Variants in ZNF276 observed in about 807,000 individuals in gnomAD.
The protein encoded by ZNF276 is centromere protein Z.
Under a neutral mutation model 63.9 loss-of-function variants are expected in ZNF276, and 59 were observed. The ratio of observed to expected loss-of-function variants is 0.92; its 90% CI spans 0.75 to 1.15. ZNF276 has a LOEUF of 1.15. ZNF276 is among the 50% of genes most tolerant of loss of function. The pLI, the probability that ZNF276 is intolerant of heterozygous loss-of-function variation, is 0.00. For missense variants in ZNF276, 1,084 were observed against 843.8 expected (o/e 1.28, Z -3.53); for synonymous variants, 496 against 348.4 (o/e 1.42, Z -4.72).
chr16:89,735,924 TC>T (rs2061860027), intron 9 of ZNF276, among the ~76,000 whole-genome samples: 3 of 138,384 alleles, frequency 2.2e-5, no homozygotes, highest in African/African-American at 5.2e-5. Context: ...TGAGTCTTGC[TC>T]TTGTCGCCCA....
chr16:89,727,362 G>A lies in ZNF276; in HGVS notation c.1085+5G>A, dbSNP rs1398650298. The A allele has an allele frequency of 1.9e-6, 3 of 1,613,756 alleles. No homozygotes were observed. Among genetic ancestry groups the A allele is most frequent in the Middle Eastern group, 1.7e-4 (1 of 6,058 alleles). On this transcript the variant is annotated splice_donor_5th_base_variant and intron_variant, in intron 5 of 10. Transcript: ENST00000443381. ...GTTCAGTGACCTTTCTGAGGGGTGAGAGAAGAGTGGGTTTAAACAGCCTAA... is the reference window on the plus strand; with the variant it reads ...GTTCAGTGACCTTTCTGAGGGGTGAAAGAAGAGTGGGTTTAAACAGCCTAA...
At position 89,721,777 on chromosome 16, in the gene ZNF276, C is replaced by A. The variant is rs113051130; in HGVS notation, c.137C>A (p.Thr46Lys). ...LSGGPRVDGA[T>K]ARRAWGPVGS... ...GGTGGGCCGAGGGTGGACGGGGCGA[C>A]GGCGCGGCGCGCCTGGGGCCCGGTG... The change falls in exon 1 of 11, where the codon ACG (threonine) becomes AAG (lysine). Residue 46 changes from threonine (T) to lysine (K), a missense_variant. Thr to Lys is a moderately conservative substitution (Grantham distance 78, BLOSUM62 -1). Transcript: ENST00000443381. 2.4e-6 allele frequency: 3 copies of A among 1,262,442 alleles called. No individual in the cohort carries two copies. The African/African-American group carries it at 4.7e-5, about 20-fold the overall frequency. The allele number at this position is 1,262,442 out of a possible 1,614,324, so 78.2% of individuals were successfully genotyped here.
chr16:89,736,439 C>T (rs1160677104), intron 9 of ZNF276, among the ~76,000 whole-genome samples: 2 of 151,922 alleles, frequency 1.3e-5, no homozygotes, highest in Non-Finnish European at 2.9e-5. Flanking sequence ...ATTCTGCTGC[C>T]TCAGCCTCCC....
chr16:89,738,960 T>A lies in ZNF276; in HGVS notation c.*714T>A. ...GAAAAAGACGAGCTTTTGTTATCAG[T>A]TCCACGGGGTTGCCCTAGAGAGAAA... On this transcript the variant is annotated 3_prime_UTR_variant, in exon 11 of 11. Transcript: ENST00000443381. 1.9e-6 allele frequency: 3 copies of A among 1,614,232 alleles called. No homozygotes were observed. The highest frequency in any genetic ancestry group is 2.5e-6 in the Non-Finnish European group (3 of 1,180,046).
Position 89,740,881 on chromosome 16 carries a change from G to A in ZNF276, c.*2635G>A, listed in dbSNP as rs749085160. ...AAAACCAATAGCTGTAAATAAAAAC[G>A]TGCACTTATTATTACATTAAAATTA... On this transcript the variant is annotated 3_prime_UTR_variant, in exon 11 of 11. Coordinates refer to ENST00000443381, the MANE Select transcript of ZNF276 (RefSeq NM_001113525.2). 1.9e-5 allele frequency: 30 copies of A among 1,604,374 alleles called. No homozygotes were observed. The highest frequency in any genetic ancestry group is 2.2e-5 in the Non-Finnish European group (26 of 1,173,352).
At position 89,721,731 on chromosome 16, in the gene ZNF276, CG is replaced by C; in HGVS notation, c.95del (p.Gly32AlafsTer157). On this transcript the variant is annotated frameshift_variant, in exon 1 of 11. Transcript: ENST00000443381. LOFTEE classifies it high-confidence loss of function. ...SDGGGGVSRT[R>X]GRPSLSGGPR... ...CGGCGGCGGCGGCGTCAGCCGGACT[CG>C]GGGCCGCCCTTCCCTTAGCGGTGGG... The C allele has an allele frequency of 7.4e-7, 1 of 1,346,902 alleles. No homozygotes were observed. Among genetic ancestry groups the C allele is most frequent in the African/African-American group, 1.5e-5 (1 of 65,504 alleles). The allele number at this position is 1,346,902 out of a possible 1,614,324, so 83.4% of individuals were successfully genotyped here.
intron 9 of ZNF276, 44 bp downstream of exon 9, chr16:89,734,082 G>T (rs765852800): frequency 6.3e-7 from 1 of 1,576,370 alleles, no homozygotes; most frequent in Admixed American, 1.7e-5. Context: ...ACAGCCAGGG[G>T]CACGTGACCT....
In ZNF276 at chr16:89,721,843, C is replaced by T. The variant is rs2151654960; in HGVS notation, c.203C>T (p.Ala68Val). The T allele has an allele frequency of 8.3e-7, 1 of 1,210,638 alleles. No individual in the cohort carries two copies. The highest frequency in any genetic ancestry group is 1.0e-6 in the Non-Finnish European group (1 of 974,594). 75.0% of individuals were successfully genotyped at this position (1,210,638 alleles called of 1,614,324 possible). A position where few individuals can be genotyped will look rare whatever the true frequency, so the allele number is the denominator to read the frequency against. ...GDAGEDGADE[A>V]GAGRALAMGH... ...GCGGGCGAGGACGGCGCGGACGAGGCAGGTGGGTCCGCGGCCCGGGCGTGG... is the reference window on the plus strand; with the variant it reads ...GCGGGCGAGGACGGCGCGGACGAGGTAGGTGGGTCCGCGGCCCGGGCGTGG... The change falls in exon 1 of 11, where the codon GCA becomes GTA. Residue 68 changes from alanine to valine, a missense_variant and splice_region_variant. Physicochemically the swap from Ala to Val is moderately conservative, Grantham distance 64. Coordinates refer to ENST00000443381, the MANE Select transcript of ZNF276 (RefSeq NM_001113525.2).
rs1293481487 is a variant in ZNF276 at position 89,738,566 on chromosome 16, A to G, written c.*320A>G. ...GTTATGCTTGTAATAAATTATTTAC[A>G]CGGGAGCTGGGCTGGTGTGCAGTGG... On this transcript the variant is annotated 3_prime_UTR_variant, in exon 11 of 11. Coordinates refer to ENST00000443381, the MANE Select transcript of ZNF276 (RefSeq NM_001113525.2). The G allele has an allele frequency of 1.2e-6, 2 of 1,612,752 alleles. No homozygotes were observed. Among genetic ancestry groups the G allele is most frequent in the Non-Finnish European group, 1.7e-6 (2 of 1,179,990 alleles).
At position 89,738,340 on chromosome 16, in the gene ZNF276, A is replaced by G; in HGVS notation, c.*94A>G. ...GTGTGCACCCGCATGGGAGGGTCGG[A>G]GGGTGCTGCCCGCCCTTGGTGCTGG... On this transcript the variant is annotated 3_prime_UTR_variant, in exon 11 of 11. Transcript: ENST00000443381. The G allele has an allele frequency of 4.7e-6, 7 of 1,494,190 alleles. No homozygotes were observed. Among genetic ancestry groups the G allele is most frequent in the Non-Finnish European group, 6.2e-6 (7 of 1,120,950 alleles). 92.6% of individuals were successfully genotyped at this position (1,494,190 alleles called of 1,614,324 possible).
intron 4 of ZNF276, among the ~76,000 whole-genome samples, chr16:89,726,261 A>G (rs553617337): frequency 1.3e-5 from 2 of 151,598 alleles, no homozygotes; most frequent in Admixed American, 1.3e-4. Flanking sequence ...CAGTGGCACG[A>G]TATCAGCTCA....
intron 9 of ZNF276, among the ~76,000 whole-genome samples, chr16:89,734,820 T>A (rs907586405): frequency 1.3e-5 from 2 of 152,196 alleles, no homozygotes; most frequent in African/African-American, 4.8e-5. Flanking sequence ...ACAATTTCTA[T>A]AATGCACAAG....
Position 89,740,915 on chromosome 16 carries a change from G to T in ZNF276, c.*2669G>T. 1 of 1,505,470 alleles carries T rather than the reference G, an allele frequency of 6.6e-7. No homozygotes were observed. 93.3% of individuals were successfully genotyped at this position (1,505,470 alleles called of 1,614,324 possible). A position where few individuals can be genotyped will look rare whatever the true frequency, so the allele number is the denominator to read the frequency against. On this transcript the variant is annotated 3_prime_UTR_variant, in exon 11 of 11. Transcript: ENST00000443381. ...TTATTACATTAAAATTACCTGTGCT[G>T]TCATTCTAAATAAGGCTGACACATT... is the stretch of plus-strand genomic sequence containing the variant.
chr16:89,733,755 C>CT (rs1555530765), intron 8 of ZNF276, among the ~76,000 whole-genome samples, 166 bp from the exon 9 acceptor site: 1 of 151,932 alleles, frequency 6.6e-6, no homozygotes, highest in Non-Finnish European at 1.5e-5. Flanking sequence ...AGACACCCCC[C>CT]GGGGGGTCTA....
chr16:89,721,122 CCCCTCACGGAGT>C, upstream of ZNF276: 1 of 302,462 alleles, frequency 3.3e-6, no homozygotes, highest in Non-Finnish European at 6.0e-6. Flanking sequence ...GCGAGAAGGG[CCCCTCACGGAGT>C]TGCCATGGGC....
At chr16:89,725,950 A>G (rs1043514617) in intron 4 of ZNF276, among the ~76,000 whole-genome samples, 4 of 152,142 alleles carry the variant, frequency 2.6e-5, no homozygotes, top group Non-Finnish European at 4.4e-5. Flanking sequence ...CCTGGCCGAG[A>G]GAACAGTAAT....
chr16:89,738,207 G>A lies in ZNF276; in HGVS notation c.1806G>A (p.Val602=). 1 of 1,610,836 alleles carries A rather than the reference G, an allele frequency of 6.2e-7. No individual in the cohort carries two copies. Among genetic ancestry groups the A allele is most frequent in the Admixed American group, 1.7e-5 (1 of 59,592 alleles). The change falls in exon 11 of 11, where the codon GTG becomes GTA. Residue 602 remains valine (V), a synonymous_variant. Coordinates refer to ENST00000443381, the MANE Select transcript of ZNF276 (RefSeq NM_001113525.2). ...EPPPGPPSPS[V]TTEGQAVKPE... Reference sequence around the variant, plus strand: ...CACCTGGGCCACCGAGCCCCTCTGTGACCACAGAGGGCCAGGCGGTGAAGC... The same window carrying A: ...CACCTGGGCCACCGAGCCCCTCTGTAACCACAGAGGGCCAGGCGGTGAAGC...
chr16:89,736,356 TC>T (rs200585672), intron 9 of ZNF276, among the ~76,000 whole-genome samples: 3,955 of 141,572 alleles, frequency 0.028, 196 homozygotes, highest in African/African-American at 0.098. Flanking sequence ...TCCGGGACAG[TC>T]TGTGTCGCCC....
At chr16:89,722,915 C>A (rs1415058388) in intron 2 of ZNF276, 81 bp downstream of exon 2, 3 of 1,558,746 alleles carry the variant, frequency 1.9e-6, no homozygotes, top group Non-Finnish European at 2.6e-6. Flanking sequence ...CAGGGCGTGC[C>A]TCCGCGGGAG....
Sources: gnomAD v4.1 joint callset for allele counts (sites outside exome capture counted in the v4.1 genomes callset) on GRCh38, gnomAD v4.1.1 for gene constraint, MANE v1.5 for transcripts, NCBI Gene and HGNC (gene_info 2026-07-23, HGNC 2026-07-21) for gene names.